Variants in ADAMTS3 observed in about 807,000 individuals in gnomAD.
The protein encoded by ADAMTS3 is ADAM metallopeptidase with thrombospondin type 1 motif 3.
A neutral mutation model predicts 129.0 loss-of-function variants in ADAMTS3; 73 were observed. That is an observed-to-expected ratio of 0.57 (90% confidence interval 0.47 to 0.69). ADAMTS3 has a LOEUF of 0.69. ADAMTS3 is among the 30% of genes least tolerant of loss of function. The probability of loss-of-function intolerance (pLI) is 0.00; values close to 1 mark genes in which losing one functional copy is unlikely to be tolerated. For missense variants in ADAMTS3, 1,457 were observed against 1,514.5 expected, an observed-to-expected ratio of 0.96 and a Z score of 0.63; for synonymous variants, 477 against 510.8, an observed-to-expected ratio of 0.93 and a Z score of 0.89.
chr4:72,464,157 C>T (rs1034502328), intron 3 of ADAMTS3, among the ~76,000 whole-genome samples: 1 of 152,044 alleles, frequency 6.6e-6, no homozygotes, highest in African/African-American at 2.4e-5. Context: ...TCACAGCTAC[C>T]TGCTGCTCAC....
chr4:72,542,817 G>A (rs1212287453), intron 3 of ADAMTS3, among the ~76,000 whole-genome samples: 1 of 152,150 alleles, frequency 6.6e-6, no homozygotes, highest in African/African-American at 2.4e-5. Flanking sequence ...ACATCCAGTA[G>A]AACCAAGGTC....
chr4:72,418,792 A>C (rs1220004463), intron 3 of ADAMTS3, among the ~76,000 whole-genome samples: 1 of 152,162 alleles, frequency 6.6e-6, no homozygotes, highest in Non-Finnish European at 1.5e-5. Context: ...AAAACACTTT[A>C]ATTGCTTCCC....
intron 4 of ADAMTS3, among the ~76,000 whole-genome samples, chr4:72,401,755 G>A (rs1284377941): frequency 6.6e-6 from 1 of 151,970 alleles, no homozygotes; most frequent in African/African-American, 2.4e-5. Flanking sequence ...CTTATTGACA[G>A]CTTACTAAGA....
At chr4:72,424,367 C>T (rs2109937507) in intron 3 of ADAMTS3, among the ~76,000 whole-genome samples, 1 of 152,166 alleles carries the variant, frequency 6.6e-6, no homozygotes. Context: ...CCCTCTGCTG[C>T]CTGGTTCTTA....
chr4:72,406,433 A>C (rs2109915777), intron 4 of ADAMTS3, among the ~76,000 whole-genome samples: 1 of 152,306 alleles, frequency 6.6e-6, no homozygotes, highest in East Asian at 1.9e-4. Context: ...ACATTTGTAA[A>C]GAATTAATAT....
At chr4:72,505,722 T>C (rs899501389) in intron 3 of ADAMTS3, among the ~76,000 whole-genome samples, 4 of 152,230 alleles carry the variant, frequency 2.6e-5, no homozygotes, top group Admixed American at 2.6e-4. Context: ...CTGAGTTCCC[T>C]GCCTGGAGAT....
At chr4:72,521,251 G>C (rs907636000) in intron 3 of ADAMTS3, among the ~76,000 whole-genome samples, 7 of 152,130 alleles carry the variant, frequency 4.6e-5, no homozygotes, top group Non-Finnish European at 1.0e-4. Flanking sequence ...ACCTGCCTCA[G>C]CTGCCCAAAG....
chr4:72,397,313 C>G (rs1056130271), intron 4 of ADAMTS3, among the ~76,000 whole-genome samples: 1 of 151,994 alleles, frequency 6.6e-6, no homozygotes, highest in Non-Finnish European at 1.5e-5. Flanking sequence ...CACCGTAATC[C>G]TAGCACTTTG....
chr4:72,554,885 G>C (rs1721725014), intron 2 of ADAMTS3, among the ~76,000 whole-genome samples: 1 of 151,688 alleles, frequency 6.6e-6, no homozygotes, highest in South Asian at 2.1e-4. Context: ...TAGTGATTTG[G>C]GTCACTACAT....
intron 4 of ADAMTS3, among the ~76,000 whole-genome samples, chr4:72,392,655 A>G (rs1293936797): frequency 2.0e-5 from 3 of 152,072 alleles, no homozygotes; most frequent in Admixed American, 6.6e-5. Context: ...AAGGGGATAG[A>G]GGAATATAAA....
At chr4:72,413,198 A>G (rs946525975) in intron 4 of ADAMTS3, among the ~76,000 whole-genome samples, 4 of 152,032 alleles carry the variant, frequency 2.6e-5, no homozygotes, top group Non-Finnish European at 5.9e-5. Context: ...GCCTGATGAA[A>G]CTACAGTTAT....
chr4:72,372,933 C>T (rs558989666), intron 4 of ADAMTS3, among the ~76,000 whole-genome samples: 1 of 152,194 alleles, frequency 6.6e-6, no homozygotes, highest in Admixed American at 6.5e-5. Context: ...TTTGCTGACA[C>T]ATCTAAGGAA....
At chr4:72,367,813 A>G (rs1292563668) in intron 4 of ADAMTS3, among the ~76,000 whole-genome samples, 5 of 150,224 alleles carry the variant, frequency 3.3e-5, no homozygotes, top group African/African-American at 4.9e-5. Flanking sequence ...TGGCGCCACT[A>G]CACTCCAGCC....
intron 4 of ADAMTS3, among the ~76,000 whole-genome samples, chr4:72,363,234 GGA>G (rs372200720): frequency 5.1e-4 from 77 of 152,120 alleles, no homozygotes; most frequent in African/African-American, 1.8e-3. Context: ...TCCCCTACAA[GGA>G]GATAGTATGG....
Position 72,315,905 on chromosome 4 carries a change from T to C in ADAMTS3, c.1552A>G (p.Thr518Ala). 2.5e-6 allele frequency: 4 copies of C among 1,613,650 alleles called. No individual in the cohort carries two copies. The highest frequency in any genetic ancestry group is 3.4e-6 in the Non-Finnish European group (4 of 1,179,700). ...CCATCAAGTGGAGGTCCCTTTTTAG[T>C]CTTACAAAAGTAGGGATTATCAGGA... ...SHPDNPYFCK[T>A]KKGPPLDGTE... is the part of the protein sequence containing the mutation. Residue 518 changes from threonine to alanine, a missense_variant, in exon 11 of 22, where the codon ACT becomes GCT. Thr to Ala is a moderately conservative substitution (Grantham distance 58). Coordinates refer to ENST00000286657, the MANE Select transcript of ADAMTS3 (RefSeq NM_014243.3).
At chr4:72,457,391 T>C (rs1463772996) in intron 3 of ADAMTS3, among the ~76,000 whole-genome samples, 7 of 151,868 alleles carry the variant, frequency 4.6e-5, no homozygotes, top group African/African-American at 1.4e-4. Context: ...AGTGGTCTAG[T>C]ATTAGTCAGG....
intron 3 of ADAMTS3, among the ~76,000 whole-genome samples, chr4:72,480,052 C>T (rs1225479400): frequency 2.0e-5 from 3 of 152,132 alleles, no homozygotes; most frequent in South Asian, 2.1e-4. Flanking sequence ...ACAACAGGTG[C>T]TAGAGAGGAT....
chr4:72,435,412 T>C (rs755438159), intron 3 of ADAMTS3, among the ~76,000 whole-genome samples: 4 of 151,912 alleles, frequency 2.6e-5, no homozygotes, highest in Admixed American at 1.3e-4. Context: ...TGTTAACCGA[T>C]GTTGCATTTA....
intron 3 of ADAMTS3, among the ~76,000 whole-genome samples, chr4:72,417,747 G>A (rs1053278242): frequency 1.3e-5 from 2 of 151,564 alleles, no homozygotes; most frequent in Admixed American, 1.3e-4. Context: ...TGGCTAACAC[G>A]GTGAAACCCT....
Sources: gnomAD v4.1 joint callset for allele counts (sites outside exome capture counted in the v4.1 genomes callset) on GRCh38, gnomAD v4.1.1 for gene constraint, MANE v1.5 for transcripts, NCBI Gene and HGNC (gene_info 2026-07-23, HGNC 2026-07-21) for gene names.